The following HYCC2 variants were observed in gnomAD, a reference collection of about 807,000 sequenced individuals.
HYCC2 encodes hyccin 2.
At chr2:201,046,518 A>T in the HYCC2 span, among the ~76,000 whole-genome samples, 3 of 152,132 alleles carry the variant, frequency 2.0e-5, no homozygotes, top group African/African-American at 7.2e-5. Flanking sequence ...GATATCATGG[A>T]AATAGGGTGG....
At chr2:201,004,636 C>CA in the HYCC2 span, among the ~76,000 whole-genome samples, 1 of 152,162 alleles carries the variant, frequency 6.6e-6, no homozygotes, top group African/African-American at 2.4e-5. Context: ...ATCAAATGCT[C>CA]AGAGTACTGT....
chr2:201,053,145 G>A, the HYCC2 span, among the ~76,000 whole-genome samples: 11 of 150,970 alleles, frequency 7.3e-5, no homozygotes, highest in African/African-American at 2.2e-4. Context: ...TTTTTGAGAC[G>A]GAATTTCGCT....
chr2:200,980,039 G>A, the HYCC2 span: 2 of 152,582 alleles, frequency 1.3e-5, no homozygotes, highest in Non-Finnish European at 2.9e-5. Context: ...GTCCTTGTAG[G>A]AGAAATCAAG....
the HYCC2 span, among the ~76,000 whole-genome samples, chr2:201,068,181 G>A: frequency 3.9e-5 from 6 of 152,198 alleles, no homozygotes; most frequent in South Asian, 6.2e-4. Flanking sequence ...CAGCTACTCC[G>A]GAGGCTGGGG....
chr2:200,994,408 C>T, the HYCC2 span, among the ~76,000 whole-genome samples: 3 of 151,986 alleles, frequency 2.0e-5, no homozygotes, highest in African/African-American at 7.2e-5. Flanking sequence ...CCACCACTCC[C>T]GGCTAATTAG....
the HYCC2 span, among the ~76,000 whole-genome samples, chr2:201,056,357 G>A: frequency 1.3e-5 from 2 of 152,068 alleles, no homozygotes; most frequent in Non-Finnish European, 2.9e-5. Flanking sequence ...ACATGAGAAG[G>A]CAAGAGGTCA....
At chr2:200,977,146 T>C in the HYCC2 span, 2 of 152,228 alleles carry the variant, frequency 1.3e-5, no homozygotes, top group South Asian at 4.1e-4. Context: ...ATTTCCAACA[T>C]TTCCCCATCT....
At chr2:201,055,382 C>CA in the HYCC2 span, among the ~76,000 whole-genome samples, 5 of 132,372 alleles carry the variant, frequency 3.8e-5, no homozygotes, top group African/African-American at 1.5e-4. Flanking sequence ...AATTCCATCT[C>CA]GAAAAAAAAA....
At chr2:200,988,822 T>G in the HYCC2 span, among the ~76,000 whole-genome samples, 1 of 152,224 alleles carries the variant, frequency 6.6e-6, no homozygotes, top group Non-Finnish European at 1.5e-5. Context: ...CTTCTGGCAT[T>G]TTGTCCTACC....
At chr2:201,047,198 C>T in the HYCC2 span, among the ~76,000 whole-genome samples, 1 of 151,884 alleles carries the variant, frequency 6.6e-6, no homozygotes, top group African/African-American at 2.4e-5. Context: ...CAGCCGGCAG[C>T]ACATCAGTCT....
At chr2:201,008,051 C>T in the HYCC2 span, among the ~76,000 whole-genome samples, 1 of 152,188 alleles carries the variant, frequency 6.6e-6, no homozygotes, top group East Asian at 1.9e-4. Context: ...TAAACCATAA[C>T]TGTGAGTATA....
the HYCC2 span, among the ~76,000 whole-genome samples, chr2:201,025,171 T>C: frequency 2.6e-5 from 4 of 152,018 alleles, no homozygotes; most frequent in African/African-American, 4.8e-5. Flanking sequence ...AAGCAAGCTG[T>C]AGGATGTAAA....
At chr2:201,038,891 TA>T in the HYCC2 span, among the ~76,000 whole-genome samples, 1 of 150,520 alleles carries the variant, frequency 6.6e-6, no homozygotes, top group East Asian at 1.9e-4. Flanking sequence ...ACTTAAAGTA[TA>T]ATTAAAAAAA....
the HYCC2 span, among the ~76,000 whole-genome samples, chr2:201,021,280 T>C: frequency 6.6e-6 from 1 of 152,180 alleles, no homozygotes; most frequent in African/African-American, 2.4e-5. Flanking sequence ...TAGAGCCTTC[T>C]AACCTGACAG....
chr2:200,981,253 G>A, the HYCC2 span: 3 of 1,608,072 alleles, frequency 1.9e-6, no homozygotes, highest in African/African-American at 4.0e-5. This position sits in a 1 kb window ranked among gnomAD's most constrained non-coding sequence, Gnocchi z 4.5. Flanking sequence ...GCAGAAAGAT[G>A]AGGGAGGATG....
the HYCC2 span, among the ~76,000 whole-genome samples, chr2:201,042,513 G>C: frequency 2.7e-5 from 4 of 150,814 alleles, no homozygotes; most frequent in Non-Finnish European, 4.4e-5. Context: ...GAACTGAGGA[G>C]TGTCTCTGCC....
chr2:201,004,378 A>G, the HYCC2 span, among the ~76,000 whole-genome samples: 1 of 152,240 alleles, frequency 6.6e-6, no homozygotes, highest in Non-Finnish European at 1.5e-5. Flanking sequence ...GGGTCCATGA[A>G]ATGAGTGGAC....
chr2:201,069,543 A>AACACAC, the HYCC2 span, among the ~76,000 whole-genome samples: 3 of 143,640 alleles, frequency 2.1e-5, no homozygotes, highest in African/African-American at 7.9e-5. Flanking sequence ...CATAAGAAGA[A>AACACAC]ACACACACAC....
the HYCC2 span, among the ~76,000 whole-genome samples, chr2:201,029,480 G>C: frequency 1.3e-5 from 2 of 152,132 alleles, no homozygotes; most frequent in Admixed American, 6.6e-5. Context: ...ACATGCACAC[G>C]TATGTTTATT....
Sources: allele counts gnomAD v4.1 joint callset (sites outside exome capture counted in the v4.1 genomes callset), GRCh38; gene constraint gnomAD v4.1.1; non-coding constraint Gnocchi (gnomAD v3.1); transcripts MANE v1.5; gene names NCBI Gene and HGNC (gene_info 2026-07-23, HGNC 2026-07-21).